STPG2: variants seen among roughly 807,000 people sequenced by gnomAD.
The protein encoded by STPG2 is sperm-tail PG-rich repeat-containing protein 2.
A neutral mutation model predicts 54.2 loss-of-function variants in STPG2; 56 were observed. The ratio of observed to expected loss-of-function variants is 1.03; its 90% CI spans 0.83 to 1.29. STPG2 has a LOEUF of 1.29. STPG2 is among the 50% of genes most tolerant of loss of function. The pLI is 0.00. For synonymous variants in STPG2, 200 were observed against 181.8 expected (o/e 1.10, Z -0.81); for missense variants, 596 against 544.9 (o/e 1.09, Z -0.93).
At chr4:97,658,791 C>G (rs568659298) in intron 10 of STPG2, among the ~76,000 whole-genome samples, 1 of 152,088 alleles carries the variant, frequency 6.6e-6, no homozygotes, top group Non-Finnish European at 1.5e-5. Context: ...ATGGGGCATA[C>G]GTACTAAATT....
chr4:97,550,844 G>C (rs970210294), intron 4 of STPG2, among the ~76,000 whole-genome samples: 1 of 152,050 alleles, frequency 6.6e-6, no homozygotes, highest in Non-Finnish European at 1.5e-5. Flanking sequence ...GGTGCTTCCG[G>C]AGTTGTTTTT....
At chr4:98,055,283 G>T (rs1737445560) in intron 5 of STPG2, among the ~76,000 whole-genome samples, 1 of 152,000 alleles carries the variant, frequency 6.6e-6, no homozygotes, top group South Asian at 2.1e-4. Flanking sequence ...CATGGGGAAG[G>T]CAAGATGGCC....
Position 98,143,124 on chromosome 4 carries a change from G to T in STPG2, c.27C>A (p.Leu9=). The change falls in exon 1 of 11, where the codon CTC becomes CTA. Residue 9 remains leucine, a synonymous_variant. Transcript: ENST00000295268. MYDRAPRL[L]KLAEGGSTEA... ...CAGTGCTGCCACCTTCAGCCAATTTGAGCAGGCGGGGAGCCCGATCATACA... is the reference window on the plus strand; with the variant it reads ...CAGTGCTGCCACCTTCAGCCAATTTTAGCAGGCGGGGAGCCCGATCATACA... The T allele has an allele frequency of 6.2e-7, 1 of 1,613,860 alleles. No individual in the cohort carries two copies. Among genetic ancestry groups the T allele is most frequent in the South Asian group, 1.1e-5 (1 of 90,968 alleles).
intron 10 of STPG2, among the ~76,000 whole-genome samples, chr4:97,666,711 CT>C (rs535282329): frequency 1.6e-3 from 241 of 152,306 alleles, no homozygotes; most frequent in African/African-American, 5.7e-3. Context: ...CATGCTAAGC[CT>C]TGTGAACTCG....
chr4:97,545,362 A>G (rs773257733), intron 4 of STPG2, among the ~76,000 whole-genome samples: 4 of 152,094 alleles, frequency 2.6e-5, no homozygotes, highest in South Asian at 4.1e-4. Context: ...CAAACTATAA[A>G]CAAGCTTCTT....
chr4:97,728,004 G>A (rs1463681487), intron 9 of STPG2, among the ~76,000 whole-genome samples: 2 of 151,868 alleles, frequency 1.3e-5, no homozygotes, highest in Non-Finnish European at 2.9e-5. Context: ...TTATGGAACT[G>A]TGCTCTCCTA....
At chr4:97,713,654 C>A (rs1724201228) in intron 9 of STPG2, among the ~76,000 whole-genome samples, 1 of 152,172 alleles carries the variant, frequency 6.6e-6, no homozygotes, top group South Asian at 2.1e-4. Flanking sequence ...TAATGTCAGG[C>A]TAATCTGACA....
chr4:97,627,979 G>A (rs1192160179), intron 10 of STPG2, among the ~76,000 whole-genome samples: 1 of 152,092 alleles, frequency 6.6e-6, no homozygotes, highest in Non-Finnish European at 1.5e-5. Context: ...GACATTCAAA[G>A]GATTGAATGA....
At chr4:97,742,332 T>A (rs1725271451) in intron 9 of STPG2, among the ~76,000 whole-genome samples, 2 of 151,484 alleles carry the variant, frequency 1.3e-5, no homozygotes, top group Non-Finnish European at 2.9e-5. Context: ...ACCTGCATAT[T>A]GTGCACATGT....
intron 9 of STPG2, among the ~76,000 whole-genome samples, chr4:97,807,526 G>GA (rs2149094611): frequency 6.6e-6 from 1 of 151,894 alleles, no homozygotes; most frequent in South Asian, 2.1e-4. Flanking sequence ...TAATTAAAAT[G>GA]AAAAACTTAA....
At chr4:97,664,399 G>A (rs1722460781) in intron 10 of STPG2, among the ~76,000 whole-genome samples, 1 of 152,138 alleles carries the variant, frequency 6.6e-6, no homozygotes, top group Non-Finnish European at 1.5e-5. Flanking sequence ...TATAAGCCAG[G>A]CACTTCACGT....
intron 9 of STPG2, among the ~76,000 whole-genome samples, chr4:97,764,177 C>T (rs1014052777): frequency 4.6e-5 from 7 of 151,558 alleles, no homozygotes; most frequent in African/African-American, 1.7e-4. Context: ...CACATAGGCA[C>T]ATGCACATGC....
At chr4:97,644,122 T>A (rs546963339) in intron 10 of STPG2, among the ~76,000 whole-genome samples, 7,176 of 152,018 alleles carry the variant, frequency 0.047, 252 homozygotes, top group Middle Eastern at 0.11. Context: ...ACCTTTGATC[T>A]TTTGACAAAC....
chr4:97,880,526 C>A (rs1730332242), intron 8 of STPG2, among the ~76,000 whole-genome samples: 1 of 151,882 alleles, frequency 6.6e-6, no homozygotes, highest in African/African-American at 2.4e-5. Flanking sequence ...AGTTCAGAGT[C>A]CCTTACAATA....
intron 10 of STPG2, among the ~76,000 whole-genome samples, chr4:97,700,758 T>C (rs1723746167): frequency 6.6e-6 from 1 of 152,196 alleles, no homozygotes; most frequent in African/African-American, 2.4e-5. Context: ...GGTAGGACTG[T>C]AAAGGTATAA....
chr4:98,094,311 T>C (rs1428629238), intron 5 of STPG2, among the ~76,000 whole-genome samples: 1 of 152,162 alleles, frequency 6.6e-6, no homozygotes, highest in East Asian at 1.9e-4. Context: ...GCATGATTCA[T>C]TACCTGCTGA....
chr4:97,455,337 C>T (rs976306050), intron 4 of STPG2, among the ~76,000 whole-genome samples: 5 of 152,052 alleles, frequency 3.3e-5, no homozygotes, highest in African/African-American at 4.8e-5. Context: ...TTGCATTTCC[C>T]GAGACCACCC....
At chr4:97,666,729 T>C (rs1722540143) in intron 10 of STPG2, among the ~76,000 whole-genome samples, 1 of 152,156 alleles carries the variant, frequency 6.6e-6, no homozygotes, top group Non-Finnish European at 1.5e-5. Flanking sequence ...CTCGGTAAAT[T>C]ATTATATCTG....
chr4:97,728,739 G>A (rs890510466), intron 9 of STPG2, among the ~76,000 whole-genome samples: 3 of 151,760 alleles, frequency 2.0e-5, no homozygotes, highest in Admixed American at 2.0e-4. Context: ...TACCTAACCT[G>A]ATCAAACCAC....
Sources: allele counts gnomAD v4.1 joint callset (sites outside exome capture counted in the v4.1 genomes callset), GRCh38; gene constraint gnomAD v4.1.1; transcripts MANE v1.5; gene names NCBI Gene and HGNC (gene_info 2026-07-23, HGNC 2026-07-21).